The following JHY variants were observed in gnomAD, a reference collection of about 807,000 sequenced individuals.
The protein encoded by JHY is junctional cadherin complex regulator.
In JHY, 69 loss-of-function variants were observed where a neutral mutation model predicts 78.0. The ratio of observed to expected loss-of-function variants is 0.88; its 90% CI spans 0.73 to 1.08. The LOEUF (loss-of-function observed/expected upper bound fraction) is 1.08, where lower values mean the gene tolerates loss of function less well. Among genes scored for constraint, JHY ranks in the 50% least tolerant of loss-of-function variants. JHY has a pLI of 0.00. For synonymous variants in JHY, 368 were observed against 342.6 expected (o/e 1.07, Z -0.82); for missense variants, 944 against 927.8 (o/e 1.02, Z -0.23).
rs561655676 is a variant in JHY at position 122,887,273 on chromosome 11, T to C, written c.344+1080T>C. On this transcript the variant is annotated intron_variant, in intron 2 of 8. Coordinates refer to ENST00000227349, the MANE Select transcript of JHY (RefSeq NM_024806.4). ...ATTATGAGGCTAAAATAAATACATA[T>C]AAATTGTTTAGAATAGTGACTGGCT... Among the ~76,000 whole-genome samples, 3 of 152,332 alleles carry C rather than the reference T, an allele frequency of 2.0e-5. No individual in the cohort carries two copies. In the South Asian group the frequency reaches 6.2e-4, roughly 32 times the overall value.
intron 6 of JHY, among the ~76,000 whole-genome samples, chr11:122,948,044 C>A (rs1199572462): frequency 6.6e-6 from 1 of 152,146 alleles, no homozygotes; most frequent in African/African-American, 2.4e-5. Flanking sequence ...AGACAACACT[C>A]CCAGCGTCTG....
Position 122,935,095 on chromosome 11 carries a change from A to C in JHY, c.1634+20A>C, listed in dbSNP as rs1863725344. The C allele has an allele frequency of 6.5e-7, 1 of 1,538,154 alleles. No individual in the cohort carries two copies. Among genetic ancestry groups the C allele is most frequent in the South Asian group, 1.3e-5 (1 of 76,678 alleles). On this transcript the variant is annotated intron_variant, in intron 5 of 8. Coordinates refer to ENST00000227349, the MANE Select transcript of JHY (RefSeq NM_024806.4). The surrounding 1 kb of genome is among the most constrained non-coding windows in gnomAD (Gnocchi z 4.5). ...GTTATGGTAAGAATTCCCTTTTCTC[A>C]AGTGGTTTTCTAGAGGAGAAAGGAG...
intron 2 of JHY, among the ~76,000 whole-genome samples, chr11:122,903,586 C>T (rs1215771674): frequency 6.6e-6 from 1 of 152,260 alleles, no homozygotes; most frequent in East Asian, 1.9e-4. Flanking sequence ...TCAAGCAATC[C>T]TCCCACCTCA....
intron 2 of JHY, among the ~76,000 whole-genome samples, chr11:122,899,317 C>A (rs1862797033): frequency 6.6e-6 from 1 of 152,064 alleles, no homozygotes; most frequent in Non-Finnish European, 1.5e-5. Context: ...GAAAATAGCA[C>A]CTTTCTTTAC....
At position 122,934,424 on chromosome 11, in the gene JHY, AC is replaced by A. The variant is rs1863702764; in HGVS notation, c.985del (p.Gln329ArgfsTer24). On this transcript the variant is annotated frameshift_variant, in exon 5 of 9. Coordinates refer to ENST00000227349, the MANE Select transcript of JHY (RefSeq NM_024806.4). LOFTEE classifies it high-confidence loss of function. ...TAACCAAAAATATCTCTTTAGAATT[AC>A]CAGGAACACTGGTCTCAATATGAAA... is the stretch of plus-strand genomic sequence containing the variant. The part of the protein sequence containing the change: ...WHQRAQQLKN[Y>X]QEHWSQYEST... 6.3e-7 allele frequency: 1 copy of A among 1,588,524 alleles called. No homozygotes were observed. The highest frequency in any genetic ancestry group is 8.6e-7 in the Non-Finnish European group (1 of 1,164,914).
rs1862789127 is a variant in JHY at position 122,898,887 on chromosome 11, C to G, written c.345-5038C>G. Among the ~76,000 whole-genome samples, 2 of 152,226 alleles carry G rather than the reference C, an allele frequency of 1.3e-5. No homozygotes were observed. The highest frequency in any genetic ancestry group is 4.8e-5 in the African/African-American group (2 of 41,462). On this transcript the variant is annotated intron_variant, in intron 2 of 8. Transcript: ENST00000227349. The surrounding 1 kb of genome is among the most constrained non-coding windows in gnomAD (Gnocchi z 4.4). ...CCTCGACCTGCCCTCCTCTCACCCTCCATTTTGTCCACACAGAATTTGTTC... is the reference window on the plus strand; with the variant it reads ...CCTCGACCTGCCCTCCTCTCACCCTGCATTTTGTCCACACAGAATTTGTTC...
intron 3 of JHY, among the ~76,000 whole-genome samples, chr11:122,914,236 T>C (rs1863188838): frequency 6.6e-6 from 1 of 152,180 alleles, no homozygotes; most frequent in South Asian, 2.1e-4. Flanking sequence ...TTACGTCTCC[T>C]AATGTGGAAG....
intron 8 of JHY, among the ~76,000 whole-genome samples, chr11:122,958,267 C>T (rs1864234161): frequency 6.6e-6 from 1 of 152,198 alleles, no homozygotes; most frequent in Non-Finnish European, 1.5e-5. Context: ...ACACGGGACC[C>T]TTTGCATGAG....
Position 122,937,554 on chromosome 11 carries a change from C to A in JHY, c.1634+2479C>A, listed in dbSNP as rs7119309. ...ACATTTTCCTTATTTTGTTTGAGCA[C>A]CCCTTCCGGCATTTCTTTCAGATTG... On this transcript the variant is annotated intron_variant, in intron 5 of 8. Transcript: ENST00000227349. 3.9e-5 allele frequency among the ~76,000 whole-genome samples: 6 copies of A among 152,126 alleles called. No homozygotes were observed. In the East Asian group the frequency reaches 5.8e-4, roughly 15 times the overall value.
At chr11:122,938,395 G>A (rs1863801453) in intron 5 of JHY, among the ~76,000 whole-genome samples, 1 of 128,672 alleles carries the variant, frequency 7.8e-6, no homozygotes, top group African/African-American at 3.0e-5. Context: ...GTTAATTTCC[G>A]ACAGGATTTT....
chr11:122,928,553 GA>G (rs370330908), intron 4 of JHY, among the ~76,000 whole-genome samples: 1,528 of 136,236 alleles, frequency 0.011, 28 homozygotes, highest in East Asian at 0.053. Flanking sequence ...AAGATACGGG[GA>G]AAAAAAAAAA....
chr11:122,901,587 T>G (rs1174783527), intron 2 of JHY, among the ~76,000 whole-genome samples: 1 of 152,176 alleles, frequency 6.6e-6, no homozygotes, highest in Non-Finnish European at 1.5e-5. Flanking sequence ...TAAAAAATTT[T>G]TTTTGGCTGG....
intron 3 of JHY, chr11:122,905,021 T>G (rs537433119): frequency 1.3e-4 from 77 of 614,028 alleles, no homozygotes; most frequent in Non-Finnish European, 1.2e-4. Flanking sequence ...ATAAGGTGGG[T>G]TTTTTTTTTC....
At position 122,956,559 on chromosome 11, in the gene JHY, G is replaced by C; in HGVS notation, c.1993G>C (p.Glu665Gln). 1 of 1,613,468 alleles carries C rather than the reference G, an allele frequency of 6.2e-7. No homozygotes were observed. Among genetic ancestry groups the C allele is most frequent in the Non-Finnish European group, 8.5e-7 (1 of 1,179,566 alleles). Residue 665 changes from glutamate to glutamine, a missense_variant, in exon 7 of 9, where the codon GAG becomes CAG. Transcript: ENST00000227349. ...VKLGGLGPDF[E>Q]SIRDKTQKLI... is the part of the protein sequence containing the mutation. ...GCTTGGAGGCCTCGGACCTGACTTT[G>C]AGTCCATCAGAGACAAAGTGAGTGA... is the stretch of plus-strand genomic sequence containing the variant.
At position 122,904,358 on chromosome 11, in the gene JHY, A is replaced by C. The variant is rs530446361; in HGVS notation, c.778A>C (p.Lys260Gln). 93 of 1,614,142 alleles carry C rather than the reference A, an allele frequency of 5.8e-5. 1 individual carries two copies. In the South Asian group the frequency reaches 9.6e-4, roughly 17 times the overall value. Reference protein sequence around the residue: ...KSKQHFVEKNKLTLGLPTPKT... With the variant: ...KSKQHFVEKNQLTLGLPTPKT... ...CAAACAACATTTTGTGGAAAAAAAC[A>C]AGCTCACTTTGGGATTACCCACCCC... The change falls in exon 3 of 9, where the codon AAG becomes CAG. Residue 260 changes from lysine (K) to glutamine (Q), a missense_variant. By Grantham distance (53) the Lys-to-Gln change is moderately conservative. Coordinates refer to ENST00000227349, the MANE Select transcript of JHY (RefSeq NM_024806.4).
intron 3 of JHY, 21 bp from the exon 4 acceptor site, chr11:122,924,876 G>A (rs747693012): frequency 3.2e-6 from 5 of 1,566,688 alleles, no homozygotes; most frequent in South Asian, 1.1e-5. Context: ...TTAACATGCT[G>A]TATGTGTTTT....
chr11:122,893,093 A>G (rs527621515), intron 2 of JHY, among the ~76,000 whole-genome samples: 3 of 152,178 alleles, frequency 2.0e-5, no homozygotes, highest in South Asian at 4.2e-4. Context: ...TGTTTTGCCA[A>G]CCTCTTACAA....
Position 122,904,236 on chromosome 11 carries a change from A to AG in JHY, c.658dup (p.Glu220GlyfsTer17). 3 of 1,612,890 alleles carry AG rather than the reference A, an allele frequency of 1.9e-6. No homozygotes were observed. The highest frequency in any genetic ancestry group is 2.5e-6 in the Non-Finnish European group (3 of 1,179,426). On this transcript the variant is annotated frameshift_variant, in exon 3 of 9. Coordinates refer to ENST00000227349, the MANE Select transcript of JHY (RefSeq NM_024806.4). LOFTEE classifies it high-confidence loss of function. ...TCAGAGCTGAGCGACAGTGACCTGG[A>AG]GGAGAAGTCGAGCAGCCTTTCTCCG...
At chr11:122,948,122 A>G (rs2135374279) in intron 6 of JHY, among the ~76,000 whole-genome samples, 1 of 152,244 alleles carries the variant, frequency 6.6e-6, no homozygotes, top group South Asian at 2.1e-4. Context: ...TAAGCAAACC[A>G]TTCCTAAGTT....
Sources: allele counts gnomAD v4.1 joint callset (sites outside exome capture counted in the v4.1 genomes callset), GRCh38; gene constraint gnomAD v4.1.1; non-coding constraint Gnocchi (gnomAD v3.1); transcripts MANE v1.5; gene names NCBI Gene and HGNC (gene_info 2026-07-23, HGNC 2026-07-21).